ABCC11: variants seen among roughly 807,000 people sequenced by gnomAD.
The protein encoded by ABCC11 is ATP-binding cassette sub-family C member 11.
A neutral mutation model predicts 149.3 loss-of-function variants in ABCC11; 135 were observed. The ratio of observed to expected loss-of-function variants is 0.90; its 90% CI spans 0.79 to 1.04. The LOEUF is 1.04. Among genes scored for constraint, ABCC11 ranks in the 50% least tolerant of loss-of-function variants. The pLI, the probability that ABCC11 is intolerant of heterozygous loss-of-function variation, is 0.00. For missense variants in ABCC11, 1,680 were observed against 1,722.1 expected (o/e 0.98, Z 0.43); for synonymous variants, 665 against 671.4 (o/e 0.99, Z 0.15).
chr16:48,191,845 G>A (rs903883604), intron 20 of ABCC11, among the ~76,000 whole-genome samples: 24 of 152,048 alleles, frequency 1.6e-4, no homozygotes, highest in Admixed American at 5.2e-4. Context: ...TGGGGGACGG[G>A]GGAGGGATAG....
intron 14 of ABCC11, among the ~76,000 whole-genome samples, chr16:48,202,143 C>G (rs1968041165): frequency 6.6e-6 from 1 of 152,136 alleles, no homozygotes; most frequent in Non-Finnish European, 1.5e-5. Flanking sequence ...CTAGGCCGGG[C>G]ACTAGTCAAA....
chr16:48,231,681 G>T, intron 2 of ABCC11, 142 bp downstream of exon 2: 1 of 1,199,774 alleles, frequency 8.3e-7, no homozygotes, highest in Non-Finnish European at 1.1e-6. Flanking sequence ...AAAAAAGAGA[G>T]AGAGAGAGAG....
chr16:48,184,009 G>A (rs928804495), intron 23 of ABCC11, among the ~76,000 whole-genome samples: 1 of 152,186 alleles, frequency 6.6e-6, no homozygotes, highest in African/African-American at 2.4e-5. Context: ...ATTCAGAAAG[G>A]TTTGACAGCT....
In ABCC11 at chr16:48,235,544, G is replaced by A. The variant is rs1028069650; in HGVS notation, c.-18-3605C>T. 3.3e-5 allele frequency among the ~76,000 whole-genome samples: 5 copies of A among 152,212 alleles called. 1 individual carries two copies. Among genetic ancestry groups the A allele is most frequent in the Admixed American group, 2.0e-4 (3 of 15,284 alleles). ...TCCCAAGCAAACGAGCTCGAGCTCA[G>A]CCACACATTAGCTTGGGCCTCCTTC... On this transcript the variant is annotated intron_variant, in intron 1 of 29. Transcript: ENST00000356608.
chr16:48,244,410 C>A (rs1339993336), intron 1 of ABCC11: 1 of 1,574,400 alleles, frequency 6.4e-7, no homozygotes, highest in African/African-American at 1.4e-5. Flanking sequence ...GAGCCCCATC[C>A]AGATCCCCAG....
intron 5 of ABCC11, chr16:48,223,590 A>G (rs910567487): frequency 3.3e-5 from 5 of 152,690 alleles, no homozygotes; most frequent in African/African-American, 9.7e-5. Flanking sequence ...CCAGTGCCTC[A>G]GTTTTCTTCT....
At chr16:48,232,089 T>G in intron 1 of ABCC11, 150 bp from the exon 2 acceptor site, 1 of 1,410,314 alleles carries the variant, frequency 7.1e-7, no homozygotes, top group Non-Finnish European at 9.3e-7. Flanking sequence ...TTTCCTCTCC[T>G]TAGCCTGTGC....
intron 22 of ABCC11, among the ~76,000 whole-genome samples, 190 bp downstream of exon 22, chr16:48,186,763 T>C (rs1966769099): frequency 6.6e-6 from 1 of 152,252 alleles, no homozygotes; most frequent in Non-Finnish European, 1.5e-5. Context: ...TTTCCTATCA[T>C]TTACATTTTT....
chr16:48,246,010 G>T (rs1450036241), intron 1 of ABCC11, among the ~76,000 whole-genome samples: 1 of 151,972 alleles, frequency 6.6e-6, no homozygotes, highest in Non-Finnish European at 1.5e-5. Context: ...TTTCCGGAGG[G>T]TTGGACATGT....
In ABCC11 at chr16:48,215,235, A is replaced by C; in HGVS notation, c.1061T>G (p.Met354Arg). Residue 354 changes from methionine to arginine, a missense_variant, in exon 8 of 30, where the codon ATG (methionine) becomes AGG (arginine). Physicochemically the swap from Met to Arg is moderately conservative, Grantham distance 91. Transcript: ENST00000356608. The part of the protein sequence containing the change: ...EVLTCIKLIK[M>R]YTWEKPFAKI... The stretch of plus-strand genomic sequence containing the variant: ...TGCAAATGGTTTCTCCCATGTGTAC[A>C]TTTTAATCAGCTTAATGCAAGTGAG... The C allele has an allele frequency of 1.2e-6, 2 of 1,613,764 alleles. No homozygotes were observed. The highest frequency in any genetic ancestry group is 1.7e-6 in the Non-Finnish European group (2 of 1,179,638).
chr16:48,205,350 C>T, intron 13 of ABCC11, 63 bp downstream of exon 13: 1 of 1,600,278 alleles, frequency 6.2e-7, no homozygotes, highest in African/African-American at 1.3e-5. Context: ...CCGTTTGAAG[C>T]TGGAGGTGCC....
intron 5 of ABCC11, 32 bp downstream of exon 5, chr16:48,224,250 G>A (rs143111298): frequency 1.2e-6 from 2 of 1,606,916 alleles, no homozygotes; most frequent in Non-Finnish European, 8.5e-7. Context: ...GAAGCCTAGA[G>A]TCCCCCAAAC....
intron 1 of ABCC11, among the ~76,000 whole-genome samples, chr16:48,232,743 C>T (rs1461331212): frequency 1.3e-5 from 2 of 152,240 alleles, no homozygotes; most frequent in Non-Finnish European, 2.9e-5. Flanking sequence ...CAGGGCCCCA[C>T]ACTCAGAAGG....
rs141832296 is a variant in ABCC11 at position 48,190,172 on chromosome 16, G to A, written c.2706+2348C>T. On this transcript the variant is annotated intron_variant, in intron 20 of 29. Coordinates refer to ENST00000356608, the MANE Select transcript of ABCC11 (RefSeq NM_001370497.1). ...CCCGTGATAAACTTTACATATCTAC[G>A]ACAATGGCCTGTTTTCTTGTCCATC... 5.3e-4 allele frequency among the ~76,000 whole-genome samples: 81 copies of A among 152,102 alleles called. 2 individuals carry two copies. The East Asian group carries it at 0.012, about 22-fold the overall frequency.
intron 18 of ABCC11, among the ~76,000 whole-genome samples, chr16:48,196,025 G>T (rs1319983099): frequency 6.6e-6 from 1 of 152,108 alleles, no homozygotes; most frequent in Admixed American, 6.5e-5. Context: ...GAAATAATGA[G>T]TATACATGAA....
rs765392070 is a variant in ABCC11, at chr16:48,208,482, C to A, written c.1623G>T (p.Gly541=). ...NLVVSKGMML[G]VCGNTGSGKS... is the part of the protein sequence containing the mutation. ...TACCACTCCCCGTGTTGCCGCAGAC[C>A]CCTAACATCATCCCCTGCAAGCCAA... Residue 541 remains glycine, a synonymous_variant, in exon 12 of 30, where the codon GGG becomes GGT. Transcript: ENST00000356608. 3 of 1,614,164 alleles carry A rather than the reference C, an allele frequency of 1.9e-6. No homozygotes were observed. The highest frequency in any genetic ancestry group is 2.5e-6 in the Non-Finnish European group (3 of 1,180,028).
In ABCC11 at chr16:48,170,954, G is replaced by A. The variant is rs1470435254; in HGVS notation, c.3712C>T (p.Pro1238Ser). ...LSGTIRFNLD[P>S]FDRHTDQQIW... ...TGCTGGTCAGTGTGACGGTCAAAGG[G>A]ATCTAGGTTGAATCTACCATATGAG... The change falls in exon 27 of 30, where the codon CCC (proline) becomes TCC (serine). Residue 1238 changes from proline to serine, a missense_variant. By Grantham distance (74) the Pro-to-Ser change is moderately conservative (BLOSUM62 -1). Coordinates refer to ENST00000356608, the MANE Select transcript of ABCC11 (RefSeq NM_001370497.1). 1 of 1,613,106 alleles carries A rather than the reference G, an allele frequency of 6.2e-7. No homozygotes were observed. Among genetic ancestry groups the A allele is most frequent in the Non-Finnish European group, 8.5e-7 (1 of 1,179,178 alleles).
At chr16:48,198,313 A>G (rs773048971) in intron 15 of ABCC11, 38 bp from the exon 16 acceptor site, 4 of 1,587,214 alleles carry the variant, frequency 2.5e-6, no homozygotes, top group Non-Finnish European at 3.5e-6. Context: ...CAGTAAGCAC[A>G]TGGAAAGATG....
intron 23 of ABCC11, among the ~76,000 whole-genome samples, 167 bp from the exon 24 acceptor site, chr16:48,178,853 C>T (rs1035366575): frequency 6.6e-6 from 1 of 152,162 alleles, no homozygotes. Flanking sequence ...CCTCAGCCCA[C>T]TTCTGAGTTT....
Sources: allele counts gnomAD v4.1 joint callset (sites outside exome capture counted in the v4.1 genomes callset), GRCh38; gene constraint gnomAD v4.1.1; transcripts MANE v1.5; gene names NCBI Gene and HGNC (gene_info 2026-07-23, HGNC 2026-07-21).